MATN4: variants seen among roughly 807,000 people sequenced by gnomAD.
MATN4 encodes the protein matrilin-4.
A neutral mutation model predicts 54.6 loss-of-function variants in MATN4; 40 were observed. The observed-to-expected ratio is 0.73, with a 90% CI of 0.57 to 0.95. The LOEUF is 0.95. Ranked by LOEUF, MATN4 falls within the 40% of genes least tolerant of loss-of-function variation. MATN4 has a pLI of 0.00. For synonymous variants in MATN4, 351 were observed against 345.3 expected (o/e 1.02, Z -0.18); for missense variants, 810 against 819.1 (o/e 0.99, Z 0.13).
At chr20:45,297,571 C>A (rs1466944212) in intron 8 of MATN4, among the ~76,000 whole-genome samples, 1 of 152,068 alleles carries the variant, frequency 6.6e-6, no homozygotes, top group African/African-American at 2.4e-5. Flanking sequence ...GGTGTGCCTT[C>A]AAAAAAATTT....
chr20:45,308,262 C>A lies in MATN4; in HGVS notation c.-122G>T. 1 of 1,569,306 alleles carries A rather than the reference C, an allele frequency of 6.4e-7. No homozygotes were observed. The highest frequency in any genetic ancestry group is 8.8e-7 in the Non-Finnish European group (1 of 1,139,524). On this transcript the variant is annotated 5_prime_UTR_variant, in exon 1 of 10. Coordinates refer to ENST00000372756, the MANE Select transcript of MATN4 (RefSeq NM_001393530.1). ...GGGCACTTGGACCAGGTAACGGCGG[C>A]GTGGCAGCGTGCCCTAGGTGGGGAC...
chr20:45,294,044 G>A (rs756379446), intron 8 of MATN4, 29 bp from the exon 9 acceptor site: 2 of 1,554,160 alleles, frequency 1.3e-6, no homozygotes, highest in African/African-American at 1.4e-5. Flanking sequence ...GGGTCAGGGG[G>A]ATGAGAAATT....
In MATN4 at chr20:45,304,616, G is replaced by A. The variant is rs1310857624; in HGVS notation, c.255C>T (p.Val85=). 1.2e-6 allele frequency: 2 copies of A among 1,604,014 alleles called. No homozygotes were observed. Among genetic ancestry groups the A allele is most frequent in the Non-Finnish European group, 8.5e-7 (1 of 1,172,140 alleles). The stretch of plus-strand genomic sequence containing the variant: ...GGCGAGAGAACGCGCGGAGAGGGAA[G>A]ACGCTCTGCACTTGACTCGAATACT... ...VIQYSSQVQS[V]FPLRAFSRRE... is the part of the protein sequence containing the mutation. Residue 85 remains valine (V), a synonymous_variant, in exon 3 of 10, where the codon GTC becomes GTT. Coordinates refer to ENST00000372756, the MANE Select transcript of MATN4 (RefSeq NM_001393530.1).
chr20:45,303,368 C>T, intron 3 of MATN4: 1 of 707,792 alleles, frequency 1.4e-6, no homozygotes, highest in Non-Finnish European at 2.7e-6. Flanking sequence ...AGTGAGATTG[C>T]AGGACAGGGA....
chr20:45,304,445 A>G lies in MATN4; in HGVS notation c.426T>C (p.Ala142=), dbSNP rs1287470184. ...RPPEERVPRV[A]VIVTDGRPQD... is the part of the protein sequence containing the mutation. ...GGGGCCGCCCGTCTGTCACGATGAC[A>G]GCGACACGCGGCACGCGCTCCTCTG... Residue 142 remains alanine, a synonymous_variant, in exon 3 of 10, where the codon GCT becomes GCC. Transcript: ENST00000372756. 4 of 1,554,170 alleles carry G rather than the reference A, an allele frequency of 2.6e-6. No individual in the cohort carries two copies. In the East Asian group the frequency reaches 6.9e-5, roughly 27 times the overall value.
Position 45,305,533 on chromosome 20 carries a change from C to G in MATN4, c.50G>C (p.Trp17Ser). 2 of 1,557,330 alleles carry G rather than the reference C, an allele frequency of 1.3e-6. No homozygotes were observed. The highest frequency in any genetic ancestry group is 1.7e-4 in the Middle Eastern group (1 of 5,990). Residue 17 changes from tryptophan to serine, a missense_variant, in exon 2 of 10, where the codon TGG becomes TCG. Physicochemically the swap from Trp to Ser is radical, Grantham distance 177 (BLOSUM62 -3). Transcript: ENST00000372756. ...ACCTGTCAACTGGAGCTGGGTTTCCCAGGGCTGAAGAAGGAGCAGCAACAC... is the reference window on the plus strand; with the variant it reads ...ACCTGTCAACTGGAGCTGGGTTTCCGAGGGCTGAAGAAGGAGCAGCAACAC... ...WPVLLLLLQP[W>S]ETQLQLTGPR...
chr20:45,293,701 G>A lies in MATN4; in HGVS notation c.*66C>T. ...AGGTTCTGCCTGGCCCCGGCGCACC[G>A]ATGGCGCGCAAGGGGCACCGTCCGT... On this transcript the variant is annotated 3_prime_UTR_variant, in exon 10 of 10. Transcript: ENST00000372756. 6.9e-7 allele frequency: 1 copy of A among 1,439,838 alleles called. No individual in the cohort carries two copies. The highest frequency in any genetic ancestry group is 1.4e-5 in the African/African-American group (1 of 69,858). The allele number at this position is 1,439,838 out of a possible 1,614,324, so 89.2% of individuals were successfully genotyped here.
At chr20:45,296,943 C>T (rs1211023258) in intron 8 of MATN4, among the ~76,000 whole-genome samples, 2 of 151,890 alleles carry the variant, frequency 1.3e-5, no homozygotes, top group Non-Finnish European at 2.9e-5. Flanking sequence ...GCAACCTCCA[C>T]CTCCCAGGTT....
rs774026214 is a variant in MATN4, at chr20:45,293,725, G to A, written c.*42C>T. The A allele has an allele frequency of 1.3e-6, 2 of 1,551,214 alleles. No individual in the cohort carries two copies. Among genetic ancestry groups the A allele is most frequent in the Non-Finnish European group, 1.7e-6 (2 of 1,149,792 alleles). On this transcript the variant is annotated 3_prime_UTR_variant, in exon 10 of 10. Coordinates refer to ENST00000372756, the MANE Select transcript of MATN4 (RefSeq NM_001393530.1). The stretch of plus-strand genomic sequence containing the variant: ...CGATGGCGCGCAAGGGGCACCGTCC[G>A]TGGTGCCGCGCCCCAGCCCGGGTCT...
chr20:45,295,575 GACGGGGTTTC>G, intron 8 of MATN4, among the ~76,000 whole-genome samples: 1 of 152,228 alleles, frequency 6.6e-6, no homozygotes, highest in East Asian at 1.9e-4. Context: ...TTTTAGTAGA[GACGGGGTTTC>G]ACTGTGTTAG....
rs1043735890 is a variant in MATN4, at chr20:45,293,652, C to G, written c.*115G>C. ...CGGAAGCCCGCCAGCGCCTCCGCCC[C>G]GACAGCCCAAGCCGGACGGGCCCAG... is the stretch of plus-strand genomic sequence containing the variant. On this transcript the variant is annotated 3_prime_UTR_variant, in exon 10 of 10. Transcript: ENST00000372756. The G allele has an allele frequency of 9.9e-6, 10 of 1,006,332 alleles. No individual in the cohort carries two copies. The South Asian group carries it at 1.1e-4, about 11-fold the overall frequency. The allele number at this position is 1,006,332 out of a possible 1,614,324, so 62.3% of individuals were successfully genotyped here.
Position 45,304,657 on chromosome 20 carries a change from G to A in MATN4, c.214C>T (p.Arg72Cys). 6.2e-7 allele frequency: 1 copy of A among 1,612,088 alleles called. No individual in the cohort carries two copies. Among genetic ancestry groups the A allele is most frequent in the East Asian group, 2.2e-5 (1 of 44,822 alleles). Reference sequence around the variant, plus strand: ...CTCGAATACTGGATCACGCCAACGCGCGTGGCGTTGGGACCCACGTTCAGG... The same window carrying A: ...CTCGAATACTGGATCACGCCAACGCACGTGGCGTTGGGACCCACGTTCAGG... Reference protein sequence around the residue: ...RGLNVGPNATRVGVIQYSSQV... With the variant: ...RGLNVGPNATCVGVIQYSSQV... The change falls in exon 3 of 10, where the codon CGC (arginine) becomes TGC (cysteine). Residue 72 changes from arginine (R) to cysteine (C), a missense_variant. Coordinates refer to ENST00000372756, the MANE Select transcript of MATN4 (RefSeq NM_001393530.1).
chr20:45,303,603 C>T, intron 3 of MATN4: 1 of 630,052 alleles, frequency 1.6e-6, no homozygotes, highest in South Asian at 1.8e-5. Flanking sequence ...CAGAGGCAGG[C>T]ATCACCCTCA....
chr20:45,299,983 GT>G (rs1986123924), intron 6 of MATN4, among the ~76,000 whole-genome samples: 2 of 63,688 alleles, frequency 3.1e-5, no homozygotes, highest in Admixed American at 1.8e-4. Flanking sequence ...GTGTAGGGGT[GT>G]GTGTGTGTGT....
Position 45,293,993 on chromosome 20 carries a change from T to C in MATN4, c.1602A>G (p.Thr534=), listed in dbSNP as rs773351863. The C allele has an allele frequency of 1.1e-5, 17 of 1,602,644 alleles. No individual in the cohort carries two copies. Among genetic ancestry groups the C allele is most frequent in the Non-Finnish European group, 1.4e-5 (16 of 1,179,704 alleles). Residue 534 remains threonine, a synonymous_variant, in exon 9 of 10, where the codon ACA becomes ACG. Coordinates refer to ENST00000372756, the MANE Select transcript of MATN4 (RefSeq NM_001393530.1). The part of the protein sequence containing the change: ...ICPEEGISAG[T]ELRSPCECES... Reference sequence around the variant, plus strand: ...CGCATTCGCATGGGCTCCGAAGCTCTGTCCCTGCGCTGATGCCCTCCTCTG... The same window carrying C: ...CGCATTCGCATGGGCTCCGAAGCTCCGTCCCTGCGCTGATGCCCTCCTCTG...
At position 45,298,178 on chromosome 20, in the gene MATN4, T is replaced by C; in HGVS notation, c.1418A>G (p.Lys473Arg). ...DDISVWAARA[K>R]EEGIVMYAVG... ...TCCCATGCCAAGCCCACCTTCCTCC[T>C]TGGCGCGCGCTGCCCACACCGAGAT... Residue 473 changes from lysine to arginine, a missense_variant, in exon 7 of 10, where the codon AAG (lysine) becomes AGG (arginine). Lys to Arg is a conservative substitution (Grantham distance 26, BLOSUM62 2). Coordinates refer to ENST00000372756, the MANE Select transcript of MATN4 (RefSeq NM_001393530.1). This position sits in a 1 kb window ranked among gnomAD's most constrained non-coding sequence, Gnocchi z 4.6. 6.3e-7 allele frequency: 1 copy of C among 1,596,652 alleles called. No individual in the cohort carries two copies. The highest frequency in any genetic ancestry group is 1.1e-5 in the South Asian group (1 of 90,008).
In MATN4 at chr20:45,304,547, C is replaced by G; in HGVS notation, c.324G>C (p.Ala108=). ...TTGCCAGTCCCGTCATGGTGCCTTGCGCCAGAGGCACCAGGTCGCGGATGG... is the reference window on the plus strand; with the variant it reads ...TTGCCAGTCCCGTCATGGTGCCTTGGGCCAGAGGCACCAGGTCGCGGATGG... The part of the protein sequence containing the change: ...ERAIRDLVPL[A]QGTMTGLAIQ... The change falls in exon 3 of 10, where the codon GCG becomes GCC. Residue 108 remains alanine, a synonymous_variant. Coordinates refer to ENST00000372756, the MANE Select transcript of MATN4 (RefSeq NM_001393530.1). The G allele has an allele frequency of 1.9e-6, 3 of 1,596,680 alleles. No individual in the cohort carries two copies. Among genetic ancestry groups the G allele is most frequent in the Non-Finnish European group, 2.6e-6 (3 of 1,166,582 alleles).
At chr20:45,305,802 A>ATTTTTTTTTTTTTTTT (rs1050722306) in intron 1 of MATN4, among the ~76,000 whole-genome samples, 186 bp from the exon 2 acceptor site, 11 of 12,162 alleles carry the variant, frequency 9.0e-4, no homozygotes, top group Non-Finnish European at 1.3e-3. Context: ...AACACAAGAG[A>ATTTTTTTTTTTTTTTT]TTCTTTTTTT....
chr20:45,300,873 C>T lies in MATN4; in HGVS notation c.1012+14G>A, dbSNP rs758845839. On this transcript the variant is annotated intron_variant, in intron 6 of 9. Coordinates refer to ENST00000372756, the MANE Select transcript of MATN4 (RefSeq NM_001393530.1). ...GGCAGAAGCCAACAGAACACCCTCC[C>T]GCCCATCACTCACGGTTGCAGCTCT... is the stretch of plus-strand genomic sequence containing the variant. The T allele has an allele frequency of 9.9e-6, 16 of 1,611,538 alleles. No individual in the cohort carries two copies. Among genetic ancestry groups the T allele is most frequent in the Admixed American group, 3.3e-5 (2 of 59,994 alleles).
Sources: allele counts gnomAD v4.1 joint callset (sites outside exome capture counted in the v4.1 genomes callset), GRCh38; gene constraint gnomAD v4.1.1; non-coding constraint Gnocchi (gnomAD v3.1); transcripts MANE v1.5; gene names NCBI Gene and HGNC (gene_info 2026-07-23, HGNC 2026-07-21).